MICALL2: variants seen among roughly 807,000 people sequenced by gnomAD.
MICALL2 encodes the protein MICAL like 2.
A neutral mutation model predicts 91.1 loss-of-function variants in MICALL2; 111 were observed. That is an observed-to-expected ratio of 1.22 (90% CI 1.04 to 1.43). MICALL2 has a LOEUF of 1.43. MICALL2 is among the 40% of genes most tolerant of loss of function. MICALL2 has a pLI of 0.00. For missense variants in MICALL2, 1,556 were observed against 1,236.0 expected (o/e 1.26, Z -3.88); for synonymous variants, 694 against 525.3 (o/e 1.32, Z -4.39).
At chr7:1,443,022 G>A (rs1463639700) in intron 6 of MICALL2, among the ~76,000 whole-genome samples, 1 of 152,026 alleles carries the variant, frequency 6.6e-6, no homozygotes, top group Non-Finnish European at 1.5e-5. Context: ...GAGTGAGGCT[G>A]CCAGAGCCTG....
intron 1 of MICALL2, among the ~76,000 whole-genome samples, chr7:1,453,532 C>A (rs1384078993): frequency 6.6e-6 from 1 of 152,130 alleles, no homozygotes; most frequent in Non-Finnish European, 1.5e-5. Context: ...GTTTGGGGGA[C>A]CTTGCAAGGG....
In MICALL2 at chr7:1,442,372, G is replaced by C. The variant is rs146347352; in HGVS notation, c.1531C>G (p.Pro511Ala). The C allele has an allele frequency of 6.2e-7, 1 of 1,611,584 alleles. No homozygotes were observed. Among genetic ancestry groups the C allele is most frequent in the Non-Finnish European group, 8.5e-7 (1 of 1,178,784 alleles). Residue 511 changes from proline to alanine, a missense_variant, in exon 7 of 17, where the codon CCT (proline) becomes GCT (alanine). Pro to Ala is a conservative substitution (Grantham distance 27, BLOSUM62 -1). Coordinates refer to ENST00000297508, the MANE Select transcript of MICALL2 (RefSeq NM_182924.4). ...GGGGCTGGCGGTTCCATCCTCGAAG[G>C]GAGGCCAAGCACCCGGGGAGACGAG... ...QSSSPRVLGLPSRMEPPAPLS... is the reference protein window; with the variant it reads ...QSSSPRVLGLASRMEPPAPLS...
At chr7:1,454,177 G>A (rs1244805451) in intron 1 of MICALL2, among the ~76,000 whole-genome samples, 13 of 152,004 alleles carry the variant, frequency 8.6e-5, no homozygotes, top group Non-Finnish European at 1.9e-4. Flanking sequence ...GGGGAGGGCG[G>A]GGGGGTGCAG....
Position 1,448,726 on chromosome 7 carries a change from T to C in MICALL2, c.228A>G (p.Pro76=), listed in dbSNP as rs1465778157. The change falls in exon 3 of 17, where the codon CCA becomes CCG. Residue 76 remains proline (P), a synonymous_variant. Coordinates refer to ENST00000297508, the MANE Select transcript of MICALL2 (RefSeq NM_182924.4). ...FRVAEEHLGI[P]ALLDAEDMVA... Reference sequence around the variant, plus strand: ...CCATGTCCTCGGCATCCAGCAAGGCTGGGATGCCCAAGTGCTCCTCGGCCA... The same window carrying C: ...CCATGTCCTCGGCATCCAGCAAGGCCGGGATGCCCAAGTGCTCCTCGGCCA... 1 of 1,612,700 alleles carries C rather than the reference T, an allele frequency of 6.2e-7. No individual in the cohort carries two copies. Among genetic ancestry groups the C allele is most frequent in the South Asian group, 1.1e-5 (1 of 91,080 alleles).
At position 1,444,997 on chromosome 7, in the gene MICALL2, G is replaced by A; in HGVS notation, c.1073C>T (p.Ala358Val). The change falls in exon 6 of 17, where the codon GCT becomes GTT. Residue 358 changes from alanine to valine, a missense_variant. Transcript: ENST00000297508. Reference sequence around the variant, plus strand: ...CGGGGGCACGGCGGGATGGGAGGCAGCCGCTGCTGTGCACGGGGCAGCTGA... The same window carrying A: ...CGGGGGCACGGCGGGATGGGAGGCAACCGCTGCTGTGCACGGGGCAGCTGA... ...WSSAAPCTAA[A>V]ASHPAVPPSA... 1 of 1,509,312 alleles carries A rather than the reference G, an allele frequency of 6.6e-7. No homozygotes were observed. Among genetic ancestry groups the A allele is most frequent in the Non-Finnish European group, 8.9e-7 (1 of 1,127,134 alleles). 93.5% of individuals were successfully genotyped at this position (1,509,312 alleles called of 1,614,324 possible).
At position 1,437,924 on chromosome 7, in the gene MICALL2, G is replaced by C; in HGVS notation, c.2368C>G (p.Leu790Val). 1 of 1,549,532 alleles carries C rather than the reference G, an allele frequency of 6.5e-7. No homozygotes were observed. Among genetic ancestry groups the C allele is most frequent in the Non-Finnish European group, 8.7e-7 (1 of 1,146,942 alleles). Residue 790 changes from leucine to valine, a missense_variant, in exon 13 of 17, where the codon CTT becomes GTT. Coordinates refer to ENST00000297508, the MANE Select transcript of MICALL2 (RefSeq NM_182924.4). Reference protein sequence around the residue: ...DWFWLIHEKQLLLRQESELMY... With the variant: ...DWFWLIHEKQVLLRQESELMY... ...AGCTCTGACTCCTGTCTCAGCAGAA[G>C]CTGCTTCTCGTGAATGAGCCAGAAC... is the stretch of plus-strand genomic sequence containing the variant.
At chr7:1,440,482 G>T in intron 8 of MICALL2, 109 bp downstream of exon 8, 1 of 960,828 alleles carries the variant, frequency 1.0e-6, no homozygotes, top group Non-Finnish European at 1.6e-6. Context: ...CTCACAGGGA[G>T]GTGCGTCTAT....
At chr7:1,447,214 A>C (rs1780638852) in intron 4 of MICALL2, among the ~76,000 whole-genome samples, 1 of 151,864 alleles carries the variant, frequency 6.6e-6, no homozygotes, top group South Asian at 2.1e-4. Flanking sequence ...TTCCACCCCA[A>C]CTCCGCTTCT....
chr7:1,452,185 A>G lies in MICALL2; in HGVS notation c.144-1897T>C, dbSNP rs1459418249. Among the ~76,000 whole-genome samples, 1 of 152,158 alleles carries G rather than the reference A, an allele frequency of 6.6e-6. No homozygotes were observed. The highest frequency in any genetic ancestry group is 1.5e-5 in the Non-Finnish European group (1 of 68,004). On this transcript the variant is annotated intron_variant, in intron 1 of 16. Coordinates refer to ENST00000297508, the MANE Select transcript of MICALL2 (RefSeq NM_182924.4). The surrounding 1 kb of genome is among the most constrained non-coding windows in gnomAD (Gnocchi z 6.2). Reference sequence around the variant, plus strand: ...AGGCGGAGCTTCTGCACGCCGGACAAGATGGGGCGCGGACTCCTCTCCGTG... The same window carrying G: ...AGGCGGAGCTTCTGCACGCCGGACAGGATGGGGCGCGGACTCCTCTCCGTG...
chr7:1,459,047 G>A (rs2065496896), intron 1 of MICALL2, 137 bp downstream of exon 1: 5 of 855,926 alleles, frequency 5.8e-6, no homozygotes, highest in Non-Finnish European at 8.9e-6. Context: ...AGCCTCGGGG[G>A]GCTGCACGGT....
intron 1 of MICALL2, 60 bp downstream of exon 1, chr7:1,459,124 C>T (rs1352411741): frequency 6.6e-7 from 1 of 1,525,390 alleles, no homozygotes; most frequent in Non-Finnish European, 8.9e-7. Context: ...TCAGTTTCCC[C>T]GCCCGTGTCA....
Position 1,445,129 on chromosome 7 carries a change from A to T in MICALL2, c.941T>A (p.Val314Asp). The change falls in exon 6 of 17, where the codon GTC (valine) becomes GAC (aspartate). Residue 314 changes from valine (V) to aspartate (D), a missense_variant. Val to Asp is a radical substitution (Grantham distance 152). Coordinates refer to ENST00000297508, the MANE Select transcript of MICALL2 (RefSeq NM_182924.4). ...PNPAATSATS[V>D]HVRSPARPSE... The stretch of plus-strand genomic sequence containing the variant: ...GGGCCTGGCTGGGCTCCTCACGTGG[A>T]CGGACGTGGCGCTGGTGGCTGCAGG... 2 of 1,561,522 alleles carry T rather than the reference A, an allele frequency of 1.3e-6. No homozygotes were observed. The highest frequency in any genetic ancestry group is 1.9e-5 in the Admixed American group (1 of 52,450).
chr7:1,448,595 C>G (rs907975876), intron 3 of MICALL2, 25 bp downstream of exon 3: 2 of 1,611,174 alleles, frequency 1.2e-6, no homozygotes, highest in African/African-American at 2.7e-5. Flanking sequence ...TCCTGCCTGG[C>G]TCGGCGGGCG....
In MICALL2 at chr7:1,454,703, G is replaced by A. The variant is rs559855339; in HGVS notation, c.144-4415C>T. ...CAGCTTCCTGCTGACCCAACCCCGC[G>A]TGGGAGAGGAGGTCAGCCCACCCTC... On this transcript the variant is annotated intron_variant, in intron 1 of 16. Coordinates refer to ENST00000297508, the MANE Select transcript of MICALL2 (RefSeq NM_182924.4). Among the ~76,000 whole-genome samples, 4 of 152,334 alleles carry A rather than the reference G, an allele frequency of 2.6e-5. No individual in the cohort carries two copies. In the South Asian group the frequency reaches 6.2e-4, roughly 24 times the overall value.
At position 1,444,848 on chromosome 7, in the gene MICALL2, G is replaced by A. The variant is rs867171246; in HGVS notation, c.1222C>T (p.Pro408Ser). 2 of 1,606,330 alleles carry A rather than the reference G, an allele frequency of 1.2e-6. No homozygotes were observed. The highest frequency in any genetic ancestry group is 1.7e-6 in the Non-Finnish European group (2 of 1,178,030). The change falls in exon 6 of 17, where the codon CCG (proline) becomes TCG (serine). Residue 408 changes from proline to serine, a missense_variant. Transcript: ENST00000297508. ...AATVDPPAWTPSASRTQQARN... is the reference protein window; with the variant it reads ...AATVDPPAWTSSASRTQQARN... ...GCCTGCTGGGTCCTGGAGGCGGACG[G>A]GGTCCAGGCTGGGGGGTCCACCGTG...
Position 1,446,828 on chromosome 7 carries a change from C to A in MICALL2, c.526G>T (p.Asp176Tyr), listed in dbSNP as rs555439117. The change falls in exon 5 of 17, where the codon GAC becomes TAC. Residue 176 changes from aspartate (D) to tyrosine (Y), a missense_variant and splice_region_variant. Asp to Tyr is a radical substitution (Grantham distance 160, BLOSUM62 -3). Coordinates refer to ENST00000297508, the MANE Select transcript of MICALL2 (RefSeq NM_182924.4). ...EGAGGPPPKT[D>Y]QALAGSLVSS... is the part of the protein sequence containing the mutation. ...ACCAAGCTGCCCGCCAATGCCTGGT[C>A]CTGGGGAAGATGCCAGCACCTCTCT... The A allele has an allele frequency of 1.3e-6, 2 of 1,581,082 alleles. No homozygotes were observed. The highest frequency in any genetic ancestry group is 1.7e-6 in the Non-Finnish European group (2 of 1,163,084).
rs1252255337 is a variant in MICALL2, at chr7:1,444,584, G to A, written c.1418+68C>T. ...AGGTGCAGCGCCCCCAACCCCTCTG[G>A]CCTCCGGGGCCCCGCTGGCTGGTGC... On this transcript the variant is annotated intron_variant, in intron 6 of 16. Transcript: ENST00000297508. 8 of 1,482,986 alleles carry A rather than the reference G, an allele frequency of 5.4e-6. No homozygotes were observed. The Admixed American group carries it at 1.6e-4, about 30-fold the overall frequency. 91.9% of individuals were successfully genotyped at this position (1,482,986 alleles called of 1,614,324 possible). A position where few individuals can be genotyped will look rare whatever the true frequency, so the allele number is the denominator to read the frequency against.
intron 8 of MICALL2, chr7:1,440,298 C>T (rs1013481375): frequency 1.1e-5 from 7 of 657,780 alleles, no homozygotes; most frequent in African/African-American, 5.5e-5. Context: ...AGATTCCAGG[C>T]GTGAGCTCCG....
At chr7:1,453,475 T>C (rs1780909481) in intron 1 of MICALL2, among the ~76,000 whole-genome samples, 1 of 152,084 alleles carries the variant, frequency 6.6e-6, no homozygotes, top group African/African-American at 2.4e-5. Flanking sequence ...TCCGGGACGT[T>C]GGCCTGCAGA....
Sources: allele counts gnomAD v4.1 joint callset (sites outside exome capture counted in the v4.1 genomes callset), GRCh38; gene constraint gnomAD v4.1.1; non-coding constraint Gnocchi (gnomAD v3.1); transcripts MANE v1.5; gene names NCBI Gene and HGNC (gene_info 2026-07-23, HGNC 2026-07-21).